BLK: variants seen among roughly 807,000 people sequenced by gnomAD.
BLK encodes the protein BLK proto-oncogene, Src family tyrosine kinase.
BLK carries 64 observed loss-of-function variants against 61.8 expected under a neutral mutation model. The ratio of observed to expected loss-of-function variants is 1.03; its 90% CI spans 0.85 to 1.27. The LOEUF (loss-of-function observed/expected upper bound fraction) is 1.27. Among genes scored for constraint, BLK ranks in the 50% most tolerant of loss-of-function variants. The probability of loss-of-function intolerance (pLI) is 0.00; values close to 1 mark genes in which losing one functional copy is unlikely to be tolerated. For synonymous variants in BLK, 351 were observed against 272.0 expected (o/e 1.29, Z -2.86); for missense variants, 853 against 660.5 (o/e 1.29, Z -3.19).
At position 11,555,404 on chromosome 8, in the gene BLK, A is replaced by G. The variant is rs1412884847; in HGVS notation, c.692A>G (p.Gln231Arg). Residue 231 changes from glutamine to arginine, a missense_variant, in exon 8 of 13, where the codon CAG becomes CGG. Transcript: ENST00000259089. ...VRPAPQNPWA[Q>R]DEWEIPRQSL... ...CCGGCCCCGCAGAATCCCTGGGCCCAGGATGAATGGGAGATCCCCCGGCAG... is the reference window on the plus strand; with the variant it reads ...CCGGCCCCGCAGAATCCCTGGGCCCGGGATGAATGGGAGATCCCCCGGCAG... 6.2e-7 allele frequency: 1 copy of G among 1,614,064 alleles called. No individual in the cohort carries two copies. Among genetic ancestry groups the G allele is most frequent in the African/African-American group, 1.3e-5 (1 of 74,928 alleles).
At chr8:11,548,005 T>C in intron 3 of BLK, 27 bp from the exon 4 acceptor site, 1 of 1,600,592 alleles carries the variant, frequency 6.2e-7, no homozygotes, top group South Asian at 1.1e-5. Flanking sequence ...GCCTGAGTGG[T>C]GGTCATCTCT....
At chr8:11,523,951 T>C (rs549563569) in intron 1 of BLK, among the ~76,000 whole-genome samples, 2 of 152,160 alleles carry the variant, frequency 1.3e-5, no homozygotes, top group African/African-American at 4.8e-5. Context: ...TTAATTTAGC[T>C]TCATAGATCA....
chr8:11,537,050 AGGAACTGTTATCG>A (rs1800162376), intron 1 of BLK, among the ~76,000 whole-genome samples: 1 of 152,212 alleles, frequency 6.6e-6, no homozygotes, highest in South Asian at 2.1e-4. Flanking sequence ...CCTCGTTGCT[AGGAACTGTTATCG>A]GGGCTGTTTC....
Position 11,546,103 on chromosome 8 carries a change from G to C in BLK, c.175G>C (p.Asp59His). 1 of 1,614,168 alleles carries C rather than the reference G, an allele frequency of 6.2e-7. No homozygotes were observed. Among genetic ancestry groups the C allele is most frequent in the East Asian group, 2.2e-5 (1 of 44,880 alleles). Residue 59 changes from aspartate (D) to histidine (H), a missense_variant and splice_region_variant, in exon 3 of 13, where the codon GAC becomes CAC. By Grantham distance (81) the Asp-to-His change is moderately conservative. Transcript: ENST00000259089. Reference sequence around the variant, plus strand: ...ACCGCCCGATGAACACCTGGATGAAGGTAAGAAGGGTGGTTTGGGAAGCTG... The same window carrying C: ...ACCGCCCGATGAACACCTGGATGAACGTAAGAAGGGTGGTTTGGGAAGCTG... ...PPPPDEHLDEDKHFVVALYDY... is the reference protein window; with the variant it reads ...PPPPDEHLDEHKHFVVALYDY...
intron 10 of BLK, among the ~76,000 whole-genome samples, chr8:11,558,248 G>A (rs1246430145): frequency 6.6e-6 from 1 of 152,234 alleles, no homozygotes; most frequent in Non-Finnish European, 1.5e-5. Context: ...CCACGCAGCT[G>A]TGAGGGAGCC....
At chr8:11,559,600 C>T (rs1801393336) in intron 10 of BLK, among the ~76,000 whole-genome samples, 1 of 152,174 alleles carries the variant, frequency 6.6e-6, no homozygotes, top group African/African-American at 2.4e-5. Context: ...TTTCTTACTC[C>T]ATAGGAAGCC....
intron 8 of BLK, chr8:11,555,969 C>A (rs867279116): frequency 6.5e-5 from 19 of 293,678 alleles, no homozygotes; most frequent in South Asian, 1.8e-4. Flanking sequence ...CCTTCCCCCC[C>A]CCGCCCACCA....
chr8:11,499,932 T>A (rs1195148988), intron 1 of BLK, among the ~76,000 whole-genome samples: 1 of 152,168 alleles, frequency 6.6e-6, no homozygotes. Context: ...ATTGTATGTA[T>A]TTTTATAAGC....
intron 1 of BLK, among the ~76,000 whole-genome samples, chr8:11,532,497 C>G (rs879542338): frequency 6.6e-6 from 1 of 152,036 alleles, no homozygotes; most frequent in South Asian, 2.1e-4. Context: ...AGGCATGAGC[C>G]GCCACTTCTG....
chr8:11,520,822 G>C (rs1057397434), intron 1 of BLK, among the ~76,000 whole-genome samples: 40 of 152,220 alleles, frequency 2.6e-4, no homozygotes, highest in African/African-American at 8.4e-4. Flanking sequence ...AGCTATTAGA[G>C]CTAATAAGAG....
At chr8:11,527,939 C>T (rs1799729253) in intron 1 of BLK, among the ~76,000 whole-genome samples, 1 of 152,034 alleles carries the variant, frequency 6.6e-6, no homozygotes, top group South Asian at 2.1e-4. Flanking sequence ...GAATTCAGGT[C>T]CCCCCATAAT....
intron 6 of BLK, 125 bp downstream of exon 6, chr8:11,550,387 G>T: frequency 1.1e-6 from 1 of 899,624 alleles, no homozygotes; most frequent in Non-Finnish European, 1.8e-6. Flanking sequence ...TTCCGGGCTT[G>T]TGTCCCTCCC....
At chr8:11,543,081 G>C (rs576757532) in intron 1 of BLK, 143 bp from the exon 2 acceptor site, 2 of 1,299,382 alleles carry the variant, frequency 1.5e-6, no homozygotes, top group Admixed American at 2.0e-5. Context: ...TTCTACCCAC[G>C]TTCTGACTTT....
chr8:11,512,409 G>A (rs1799049120), intron 1 of BLK, among the ~76,000 whole-genome samples: 1 of 152,160 alleles, frequency 6.6e-6, no homozygotes, highest in South Asian at 2.1e-4. Flanking sequence ...TCACTCTGAC[G>A]ACATGTCAGC....
intron 1 of BLK, among the ~76,000 whole-genome samples, chr8:11,536,848 C>G (rs1800153180): frequency 6.6e-6 from 1 of 152,252 alleles, no homozygotes; most frequent in African/African-American, 2.4e-5. Flanking sequence ...GCTCACAAAA[C>G]ACTTTACCCA....
chr8:11,498,501 A>T (rs993312145), intron 1 of BLK, among the ~76,000 whole-genome samples: 3 of 152,144 alleles, frequency 2.0e-5, no homozygotes, highest in Non-Finnish European at 4.4e-5. Flanking sequence ...GACTACTTTA[A>T]TTTTCTCTCT....
intron 1 of BLK, among the ~76,000 whole-genome samples, chr8:11,535,373 G>A (rs1354697002): frequency 1.3e-5 from 2 of 152,146 alleles, no homozygotes; most frequent in Non-Finnish European, 2.9e-5. Context: ...GGGATATATT[G>A]CACAAAGCAT....
At chr8:11,502,719 G>A (rs1377486360) in intron 1 of BLK, among the ~76,000 whole-genome samples, 3 of 152,196 alleles carry the variant, frequency 2.0e-5, no homozygotes, top group East Asian at 1.9e-4. Flanking sequence ...CGGGGAGGCC[G>A]AGTGTCTTGA....
At chr8:11,522,722 C>T (rs1486183597) in intron 1 of BLK, among the ~76,000 whole-genome samples, 1 of 148,530 alleles carries the variant, frequency 6.7e-6, no homozygotes, top group Non-Finnish European at 1.5e-5. Context: ...ACAAACAAAT[C>T]TCAAAAACAC....
Sources: allele counts gnomAD v4.1 joint callset (sites outside exome capture counted in the v4.1 genomes callset), GRCh38; gene constraint gnomAD v4.1.1; transcripts MANE v1.5; gene names NCBI Gene and HGNC (gene_info 2026-07-23, HGNC 2026-07-21).